SPOCK1: variants seen among roughly 807,000 people sequenced by gnomAD.
SPOCK1 encodes the protein SPARC (osteonectin), cwcv and kazal like domains proteoglycan 1.
Under a neutral mutation model 55.3 loss-of-function variants are expected in SPOCK1, and 23 were observed. The ratio of observed to expected loss-of-function variants is 0.42; its 90% confidence interval spans 0.30 to 0.59. The LOEUF is 0.59. SPOCK1 is among the 20% of genes least tolerant of loss of function. SPOCK1 has a pLI of 0.22. For missense variants in SPOCK1, 499 were observed against 552.5 expected (o/e 0.90, Z 0.97); for synonymous variants, 226 against 221.0 (o/e 1.02, Z -0.20).
intron 2 of SPOCK1, among the ~76,000 whole-genome samples, chr5:137,359,563 CAGGAT>C (rs1424553015): frequency 6.6e-6 from 1 of 152,210 alleles, no homozygotes; most frequent in African/African-American, 2.4e-5. Flanking sequence ...GCCAACCCTG[CAGGAT>C]AGTGCTAACT....
chr5:137,327,227 T>C (rs1356189257), intron 2 of SPOCK1, among the ~76,000 whole-genome samples: 2 of 152,094 alleles, frequency 1.3e-5, no homozygotes, highest in Non-Finnish European at 2.9e-5. Flanking sequence ...ACCTGATGAG[T>C]TAATCACCTA....
chr5:137,281,471 C>A (rs1485524727), intron 2 of SPOCK1, among the ~76,000 whole-genome samples: 1 of 152,208 alleles, frequency 6.6e-6, no homozygotes, highest in Non-Finnish European at 1.5e-5. Flanking sequence ...AATAGTGTCA[C>A]CCATTCATTT....
intron 2 of SPOCK1, among the ~76,000 whole-genome samples, chr5:137,457,069 G>A (rs1369439029): frequency 6.6e-6 from 1 of 152,176 alleles, no homozygotes; most frequent in Non-Finnish European, 1.5e-5. Context: ...ATTCAGTAGA[G>A]AATAAATTGA....
intron 3 of SPOCK1, among the ~76,000 whole-genome samples, chr5:137,179,976 C>A (rs1308703194): frequency 6.6e-6 from 1 of 152,196 alleles, no homozygotes; most frequent in Non-Finnish European, 1.5e-5. Flanking sequence ...CAGGAGGTAT[C>A]TCCTTTCATC....
chr5:137,228,804 A>G (rs1255704341), intron 3 of SPOCK1, among the ~76,000 whole-genome samples: 1 of 152,162 alleles, frequency 6.6e-6, no homozygotes, highest in African/African-American at 2.4e-5. Context: ...AGCATGTACA[A>G]ATATAATATT....
intron 3 of SPOCK1, among the ~76,000 whole-genome samples, chr5:137,177,263 T>C (rs1441534392): frequency 6.6e-6 from 1 of 152,194 alleles, no homozygotes; most frequent in Non-Finnish European, 1.5e-5. Flanking sequence ...TTTGCTTTCT[T>C]TGAAATCAGG....
intron 3 of SPOCK1, among the ~76,000 whole-genome samples, chr5:137,243,133 A>T (rs1756319588): frequency 6.6e-6 from 1 of 152,188 alleles, no homozygotes; most frequent in Non-Finnish European, 1.5e-5. Context: ...ATGTTATCCA[A>T]ACGTGTCCTG....
chr5:137,011,395 A>G (rs1041969271), intron 6 of SPOCK1, among the ~76,000 whole-genome samples: 22 of 152,118 alleles, frequency 1.4e-4, no homozygotes, highest in African/African-American at 4.8e-4. Context: ...ACTCCCAGGA[A>G]TTATACCCCA....
rs750500926 is a variant in SPOCK1 at position 137,206,485 on chromosome 5, A to G, written c.232+60525T>C. On this transcript the variant is annotated intron_variant, in intron 3 of 10. Transcript: ENST00000394945. ...TTATTTTAGAAGCGTACATGACTGA[A>G]TGGGAGAAGCCAGGGCCATGACTCA... 3.9e-5 allele frequency among the ~76,000 whole-genome samples: 6 copies of G among 152,218 alleles called. No homozygotes were observed. The South Asian group carries it at 1.2e-3, about 32-fold the overall frequency.
chr5:137,236,711 T>C (rs774303536), intron 3 of SPOCK1, among the ~76,000 whole-genome samples: 3 of 152,112 alleles, frequency 2.0e-5, no homozygotes, highest in Non-Finnish European at 4.4e-5. Flanking sequence ...CTCATACAAG[T>C]ACACACTCTG....
At chr5:137,433,302 G>T (rs1314117427) in intron 2 of SPOCK1, among the ~76,000 whole-genome samples, 3 of 151,410 alleles carry the variant, frequency 2.0e-5, no homozygotes, top group African/African-American at 7.3e-5. Context: ...TGTTTGGTTA[G>T]AGGGAACTGT....
intron 3 of SPOCK1, among the ~76,000 whole-genome samples, chr5:137,154,546 C>T (rs1354434982): frequency 6.6e-6 from 1 of 152,116 alleles, no homozygotes; most frequent in Non-Finnish European, 1.5e-5. Context: ...ACTATTGGAC[C>T]AGGACCAGGA....
intron 2 of SPOCK1, among the ~76,000 whole-genome samples, chr5:137,296,112 GA>G (rs1391195459): frequency 1.3e-5 from 2 of 152,164 alleles, no homozygotes; most frequent in Non-Finnish European, 2.9e-5. Context: ...GACACAGTGA[GA>G]AAACAGCATC....
chr5:137,206,955 C>T (rs1755530023), intron 3 of SPOCK1, among the ~76,000 whole-genome samples: 1 of 152,180 alleles, frequency 6.6e-6, no homozygotes, highest in South Asian at 2.1e-4. Flanking sequence ...TTGAAATCAG[C>T]CAGGTGATTC....
At chr5:137,426,858 G>A (rs1382860332) in intron 2 of SPOCK1, among the ~76,000 whole-genome samples, 1 of 152,194 alleles carries the variant, frequency 6.6e-6, no homozygotes, top group African/African-American at 2.4e-5. Context: ...GGTCACAGAT[G>A]CCAACGGACT....
chr5:137,015,459 G>A (rs1266930559), intron 6 of SPOCK1, among the ~76,000 whole-genome samples: 1 of 151,992 alleles, frequency 6.6e-6, no homozygotes, highest in Non-Finnish European at 1.5e-5. Context: ...CAGAGAGATA[G>A]ATAGCAAAGC....
At position 137,138,899 on chromosome 5, in the gene SPOCK1, T is replaced by C. The variant is rs187165862; in HGVS notation, c.347+1681A>G. On this transcript the variant is annotated intron_variant, in intron 4 of 10. Transcript: ENST00000394945. ...GAATGAAGACATCAACATATTGTAG[T>C]AGTGAAAACCATAAGCTTTGGAGGC... is the stretch of plus-strand genomic sequence containing the variant. 4.2e-3 allele frequency among the ~76,000 whole-genome samples: 638 copies of C among 152,268 alleles called. 2 individuals carry two copies. The highest frequency in any genetic ancestry group is 0.01 in the African/African-American group (424 of 41,564).
At chr5:137,363,676 T>C (rs1750997785) in intron 2 of SPOCK1, among the ~76,000 whole-genome samples, 1 of 152,210 alleles carries the variant, frequency 6.6e-6, no homozygotes, top group Non-Finnish European at 1.5e-5. Flanking sequence ...CATCATCATA[T>C]CCTCAGCACG....
chr5:137,186,633 T>C (rs1210515139), intron 3 of SPOCK1, among the ~76,000 whole-genome samples: 1 of 152,232 alleles, frequency 6.6e-6, no homozygotes, highest in Non-Finnish European at 1.5e-5. Context: ...GTTGGATTTA[T>C]ATAAGGGCTA....
Sources: allele counts gnomAD v4.1 joint callset (sites outside exome capture counted in the v4.1 genomes callset), GRCh38; gene constraint gnomAD v4.1.1; transcripts MANE v1.5; gene names NCBI Gene and HGNC (gene_info 2026-07-23, HGNC 2026-07-21).